Variants in GABRA5 observed in about 807,000 individuals in gnomAD.
GABRA5 encodes the protein gamma-aminobutyric acid receptor subunit alpha-5.
In GABRA5, 18 loss-of-function variants were observed where a neutral mutation model predicts 47.3. The observed-to-expected ratio is 0.38, with a 90% CI of 0.26 to 0.56. GABRA5 has a LOEUF of 0.56. GABRA5 is among the 20% of genes least tolerant of loss of function. The probability of loss-of-function intolerance (pLI) is 0.71; values close to 1 mark genes in which losing one functional copy is unlikely to be tolerated. For synonymous variants in GABRA5, 237 were observed against 229.3 expected (o/e 1.03, Z -0.30); for missense variants, 365 against 599.3 (o/e 0.61, Z 4.08).
intron 6 of GABRA5, among the ~76,000 whole-genome samples, chr15:26,898,381 G>A (rs1174640522): frequency 5.3e-5 from 8 of 152,188 alleles, no homozygotes; most frequent in Admixed American, 5.2e-4. Context: ...GCTTCAACAA[G>A]CACCCTTTCT....
At chr15:26,893,727 T>C (rs1394706584) in intron 6 of GABRA5, among the ~76,000 whole-genome samples, 1 of 151,700 alleles carries the variant, frequency 6.6e-6, no homozygotes, top group Non-Finnish European at 1.5e-5. Context: ...GGCGAGGGGC[T>C]GAGTCTGGGG....
At chr15:26,926,132 AGC>A (rs1197325441) in intron 7 of GABRA5, among the ~76,000 whole-genome samples, 1 of 152,178 alleles carries the variant, frequency 6.6e-6, no homozygotes, top group Non-Finnish European at 1.5e-5. Flanking sequence ...GCTGCCTTGC[AGC>A]GCTGACCCAC....
At chr15:26,915,404 A>G (rs1893696272) in intron 7 of GABRA5, among the ~76,000 whole-genome samples, 1 of 152,216 alleles carries the variant, frequency 6.6e-6, no homozygotes, top group Non-Finnish European at 1.5e-5. Flanking sequence ...GAACAAATAA[A>G]CAAATTATTC....
At chr15:26,897,810 C>T (rs539567538) in intron 6 of GABRA5, among the ~76,000 whole-genome samples, 1 of 152,246 alleles carries the variant, frequency 6.6e-6, no homozygotes, top group Non-Finnish European at 1.5e-5. Context: ...GACCAGTCAA[C>T]ATCACATGTC....
chr15:26,882,790 G>A (rs1307573764), intron 4 of GABRA5, among the ~76,000 whole-genome samples: 1 of 152,066 alleles, frequency 6.6e-6, no homozygotes, highest in East Asian at 1.9e-4. Flanking sequence ...TCTCTGTGGC[G>A]ACGGCGTGGC....
At chr15:26,912,065 C>T (rs939396255) in intron 6 of GABRA5, among the ~76,000 whole-genome samples, 6 of 152,206 alleles carry the variant, frequency 3.9e-5, no homozygotes, top group Non-Finnish European at 8.8e-5. Context: ...CTCCACCCCA[C>T]CTCAGACTGC....
intron 7 of GABRA5, among the ~76,000 whole-genome samples, chr15:26,936,110 C>CG (rs1894236270): frequency 1.3e-5 from 2 of 152,156 alleles, no homozygotes; most frequent in African/African-American, 4.8e-5. Context: ...TTCCCCTGCT[C>CG]GCACTCATTC....
chr15:26,881,061 TA>T, intron 4 of GABRA5, 94 bp downstream of exon 4: 1 of 1,374,484 alleles, frequency 7.3e-7, no homozygotes, highest in Non-Finnish European at 9.7e-7. Flanking sequence ...AAACAATTCC[TA>T]AAAGAGCTTC....
chr15:26,918,180 A>G (rs558995626), intron 7 of GABRA5, among the ~76,000 whole-genome samples: 271 of 152,186 alleles, frequency 1.8e-3, no homozygotes, highest in Non-Finnish European at 2.8e-3. Flanking sequence ...TTAGATGCCA[A>G]TAAGTTTTGA....
chr15:26,924,859 G>A (rs1893924050), intron 7 of GABRA5, among the ~76,000 whole-genome samples: 1 of 152,116 alleles, frequency 6.6e-6, no homozygotes, highest in African/African-American at 2.4e-5. Context: ...CAAGTTGCCA[G>A]CTTCTTTAGC....
chr15:26,912,536 A>G (rs1893620977), intron 6 of GABRA5, among the ~76,000 whole-genome samples: 1 of 152,174 alleles, frequency 6.6e-6, no homozygotes, highest in Admixed American at 6.5e-5. Context: ...TTCATAATTT[A>G]TGATTGAAGA....
intron 10 of GABRA5, among the ~76,000 whole-genome samples, chr15:26,944,582 G>T (rs1894466478): frequency 6.6e-6 from 1 of 152,200 alleles, no homozygotes; most frequent in African/African-American, 2.4e-5. Flanking sequence ...TGCACTGGGT[G>T]ATAGGGACTC....
chr15:26,881,863 C>A lies in GABRA5; in HGVS notation c.208+896C>A, dbSNP rs535721583. ...TACAGGTGCACACCACCATGCCCAG[C>A]TAATTTTTGTGTTTTTAGTAGAGAT... On this transcript the variant is annotated intron_variant, in intron 4 of 10. Coordinates refer to ENST00000335625, the MANE Select transcript of GABRA5 (RefSeq NM_000810.4). Among the ~76,000 whole-genome samples the A allele has an allele frequency of 7.2e-5, 11 of 152,206 alleles. No homozygotes were observed. The South Asian group carries it at 2.1e-3, about 29-fold the overall frequency.
chr15:26,901,393 G>A (rs941622283), intron 6 of GABRA5, among the ~76,000 whole-genome samples: 6 of 152,102 alleles, frequency 3.9e-5, no homozygotes, highest in Admixed American at 2.0e-4. Flanking sequence ...GCTTTAATTT[G>A]TGTTTTTCTG....
chr15:26,931,007 T>C (rs1217609388), intron 7 of GABRA5, among the ~76,000 whole-genome samples: 1 of 149,172 alleles, frequency 6.7e-6, no homozygotes. Context: ...GCAATTCTCC[T>C]GCCTCAGCCT....
chr15:26,890,407 A>G (rs372672671), intron 6 of GABRA5, among the ~76,000 whole-genome samples: 10 of 150,104 alleles, frequency 6.7e-5, no homozygotes, highest in Admixed American at 4.0e-4. Flanking sequence ...TACTCATCTC[A>G]AGATTTGTAG....
At chr15:26,932,955 G>T (rs1023701803) in intron 7 of GABRA5, among the ~76,000 whole-genome samples, 2 of 152,068 alleles carry the variant, frequency 1.3e-5, no homozygotes, top group Non-Finnish European at 2.9e-5. Flanking sequence ...GTGGGGTAGT[G>T]CGGGGAGGGA....
At chr15:26,939,048 A>C (rs1295969465) in intron 8 of GABRA5, among the ~76,000 whole-genome samples, 1 of 152,198 alleles carries the variant, frequency 6.6e-6, no homozygotes, top group South Asian at 2.1e-4. Context: ...CCACGTTCAC[A>C]GTGCATCCCA....
chr15:26,898,184 G>A (rs1224215779), intron 6 of GABRA5, among the ~76,000 whole-genome samples: 1 of 152,162 alleles, frequency 6.6e-6, no homozygotes, highest in African/African-American at 2.4e-5. Context: ...GCAGATAGGT[G>A]GAAAATTGCT....
Sources: allele counts gnomAD v4.1 joint callset (sites outside exome capture counted in the v4.1 genomes callset), GRCh38; gene constraint gnomAD v4.1.1; transcripts MANE v1.5; gene names NCBI Gene and HGNC (gene_info 2026-07-23, HGNC 2026-07-21).